Variants in GPN1 observed in about 807,000 individuals in gnomAD.
GPN1 encodes the protein GPN-loop GTPase 1.
A neutral mutation model predicts 55.9 loss-of-function variants in GPN1; 44 were observed. The ratio of observed to expected loss-of-function variants is 0.79; its 90% CI spans 0.62 to 1.01. GPN1 has a LOEUF of 1.01. Ranked by LOEUF, GPN1 falls within the 50% of genes least tolerant of loss-of-function variation. The pLI, the probability that GPN1 is intolerant of heterozygous loss-of-function variation, is 0.00. For missense variants in GPN1, 466 were observed against 462.8 expected (o/e 1.01, Z -0.06); for synonymous variants, 179 against 162.5 (o/e 1.10, Z -0.77).
chr2:27,629,922 G>A lies in GPN1; in HGVS notation c.175G>A (p.Val59Ile). ...PPYVINLDPA[V>I]HEVPFPANID... The stretch of plus-strand genomic sequence containing the variant: ...GTATGTGATCAACCTGGATCCAGCA[G>A]TACATGAAGTTCCCTTTCCTGCCAA... The change falls in exon 2 of 14, where the codon GTA (valine) becomes ATA (isoleucine). Residue 59 changes from valine (V) to isoleucine (I), a missense_variant. Physicochemically the swap from Val to Ile is conservative, Grantham distance 29. Coordinates refer to ENST00000610189, the MANE Select transcript of GPN1 (RefSeq NM_007266.4). The A allele has an allele frequency of 6.2e-7, 1 of 1,605,092 alleles. No individual in the cohort carries two copies. The highest frequency in any genetic ancestry group is 8.5e-7 in the Non-Finnish European group (1 of 1,171,716).
chr2:27,635,298 C>CCCTTTTTTT, intron 7 of GPN1, 64 bp downstream of exon 7: 1 of 445,284 alleles, frequency 2.2e-6, no homozygotes, highest in South Asian at 3.3e-5. Context: ...CTTCTTCTTC[C>CCCTTTTTTT]TCTTTTTTTT....
intron 1 of GPN1, chr2:27,629,555 G>T (rs1485664652): frequency 1.4e-6 from 1 of 730,840 alleles, no homozygotes. Flanking sequence ...GGGATATAGC[G>T]AAAATGAGGT....
chr2:27,635,189 G>T lies in GPN1; in HGVS notation c.479G>T (p.Ser160Ile). 1 of 1,606,290 alleles carries T rather than the reference G, an allele frequency of 6.2e-7. No individual in the cohort carries two copies. Among genetic ancestry groups the T allele is most frequent in the African/African-American group, 1.3e-5 (1 of 74,788 alleles). Residue 160 changes from serine to isoleucine, a missense_variant, in exon 7 of 14, where the codon AGT becomes ATT. Coordinates refer to ENST00000610189, the MANE Select transcript of GPN1 (RefSeq NM_007266.4). ...ATCTATGTAATGGACACATCGAGAAGTACCAACCCAGTGACCTTCATGTCC... is the reference window on the plus strand; with the variant it reads ...ATCTATGTAATGGACACATCGAGAATTACCAACCCAGTGACCTTCATGTCC... ...VVIYVMDTSRSTNPVTFMSNM... is the reference protein window; with the variant it reads ...VVIYVMDTSRITNPVTFMSNM...
chr2:27,635,154 A>G lies in GPN1; in HGVS notation c.444A>G (p.Pro148=). 1 of 1,597,660 alleles carries G rather than the reference A, an allele frequency of 6.3e-7. No individual in the cohort carries two copies. The part of the protein sequence containing the change: ...IITEALASSF[P]TVVIYVMDTS... ...TGTGGCTTTAGGCATCCTCATTTCC[A>G]ACAGTTGTCATCTATGTAATGGACA... The change falls in exon 7 of 14, where the codon CCA becomes CCG. Residue 148 remains proline, a synonymous_variant. Transcript: ENST00000610189.
rs1241786252 is a variant in GPN1, at chr2:27,650,179, C to T, written c.1104C>T (p.Tyr368=). The part of the protein sequence containing the change: ...QNFMQESMAQ[Y]WKRNNK ...TTATGCAAGAATCGATGGCACAATACTGGAAGAGAAACAATAAATAGGAGA... is the reference window on the plus strand; with the variant it reads ...TTATGCAAGAATCGATGGCACAATATTGGAAGAGAAACAATAAATAGGAGA... Residue 368 remains tyrosine, a synonymous_variant, in exon 14 of 14, where the codon TAC becomes TAT. Coordinates refer to ENST00000610189, the MANE Select transcript of GPN1 (RefSeq NM_007266.4). 6.3e-7 allele frequency: 1 copy of T among 1,598,100 alleles called. No homozygotes were observed. The highest frequency in any genetic ancestry group is 8.6e-7 in the Non-Finnish European group (1 of 1,165,662).
At chr2:27,642,388 C>T in intron 11 of GPN1, 41 bp from the exon 12 acceptor site, 1 of 1,224,150 alleles carries the variant, frequency 8.2e-7, no homozygotes, top group Non-Finnish European at 1.2e-6. Flanking sequence ...TAATTTGGGA[C>T]TCCTTTTTGA....
At chr2:27,629,785 G>T in intron 1 of GPN1, 74 bp from the exon 2 acceptor site, 2 of 817,478 alleles carry the variant, frequency 2.4e-6, no homozygotes, top group African/African-American at 1.7e-5. Context: ...CTTAAGGCAT[G>T]GGTGTTAAAG....
At chr2:27,641,126 T>C in intron 10 of GPN1, 114 bp from the exon 11 acceptor site, 1 of 706,156 alleles carries the variant, frequency 1.4e-6, no homozygotes, top group Non-Finnish European at 2.5e-6. Context: ...TGATGTTGAA[T>C]GAAGTCAGAT....
intron 2 of GPN1, among the ~76,000 whole-genome samples, chr2:27,630,792 T>C (rs1251443763): frequency 6.6e-6 from 1 of 152,192 alleles, no homozygotes; most frequent in African/African-American, 2.4e-5. Flanking sequence ...TTAAGTTGCA[T>C]GAAACTTTGC....
intron 1 of GPN1, 45 bp from the exon 2 acceptor site, chr2:27,629,814 G>T (rs1673463077): frequency 9.9e-7 from 1 of 1,012,146 alleles, no homozygotes. Context: ...GTTCTCTCTT[G>T]TCCCCTCTTT....
chr2:27,638,145 G>A (rs2148070858), intron 7 of GPN1, 65 bp from the exon 8 acceptor site: 1 of 853,850 alleles, frequency 1.2e-6, no homozygotes, highest in Non-Finnish European at 2.0e-6. Context: ...GTCCCGACAT[G>A]CTGACACTGG....
At chr2:27,644,740 T>TTTTTTTTTTTTTC (rs1389842515) in intron 12 of GPN1, among the ~76,000 whole-genome samples, 4 of 148,524 alleles carry the variant, frequency 2.7e-5, no homozygotes, top group Admixed American at 6.7e-5. Flanking sequence ...TTTTTTTTTT[T>TTTTTTTTTTTTTC]TTTACAGATG....
At chr2:27,628,679 C>T (rs748241305), upstream of GPN1, 21 of 1,551,542 alleles carry the variant, frequency 1.4e-5, no homozygotes, top group African/African-American at 1.8e-4. Context: ...CCTCCAGTGG[C>T]TCCGCTCCCC....
intron 4 of GPN1, 69 bp from the exon 5 acceptor site, chr2:27,632,564 C>T: frequency 1.9e-6 from 2 of 1,057,838 alleles, no homozygotes; most frequent in Non-Finnish European, 3.0e-6. Context: ...AGGTATGCCA[C>T]CCTGGAGAGG....
rs1673650347 is a variant in GPN1, at chr2:27,634,237, TAAA to T, written c.351-604_351-602del. Among the ~76,000 whole-genome samples, 3 of 152,286 alleles carry T rather than the reference TAAA, an allele frequency of 2.0e-5. No homozygotes were observed. In the South Asian group the frequency reaches 6.2e-4, roughly 32 times the overall value. Reference sequence around the variant, plus strand: ...ATGTCTATTAGAATTCTTTGCCAATTAAAAAAATTCTGATATAATTCATAATTA... The same window carrying T: ...ATGTCTATTAGAATTCTTTGCCAATTAAAATTCTGATATAATTCATAATTA... On this transcript the variant is annotated intron_variant, in intron 5 of 13. Transcript: ENST00000610189.
Position 27,642,956 on chromosome 2 carries a change from T to TACAC in GPN1, c.931+438_931+439insCACA, listed in dbSNP as rs764872511. Among the ~76,000 whole-genome samples the TACAC allele has an allele frequency of 5.7e-3, 492 of 85,790 alleles. 1 individual carries two copies. Among genetic ancestry groups the TACAC allele is most frequent in the South Asian group, 0.014 (37 of 2,646 alleles). 56.3% of individuals were successfully genotyped at this position (85,790 alleles called of 152,430 possible). On this transcript the variant is annotated intron_variant, in intron 12 of 13. Transcript: ENST00000610189. Reference sequence around the variant, plus strand: ...GGAAATGTGGTTTTATATATATATATATACACACACACACACACACACACA... The same window carrying TACAC: ...GGAAATGTGGTTTTATATATATATATACACATACACACACACACACACACACACA...
Position 27,650,321 on chromosome 2 carries a change from A to G in GPN1, c.*121A>G. The G allele has an allele frequency of 1.8e-6, 1 of 565,126 alleles. No homozygotes were observed. The highest frequency in any genetic ancestry group is 1.9e-5 in the African/African-American group (1 of 52,908). 35.0% of individuals were successfully genotyped at this position (565,126 alleles called of 1,614,324 possible). On this transcript the variant is annotated 3_prime_UTR_variant, in exon 14 of 14. Transcript: ENST00000610189. ...AGGGATAATTTTCCTCAGAGTAGCA[A>G]AGTTTCTCTTATTAGAGAAATCTTG...
intron 1 of GPN1, 73 bp from the exon 2 acceptor site, chr2:27,629,786 G>A: frequency 8.5e-6 from 7 of 820,236 alleles, no homozygotes; most frequent in Middle Eastern, 2.3e-4. Context: ...TTAAGGCATG[G>A]GTGTTAAAGG....
chr2:27,629,450 A>G (rs1203090160), intron 1 of GPN1: 6 of 1,521,920 alleles, frequency 3.9e-6, no homozygotes, highest in Non-Finnish European at 5.4e-6. Context: ...GAGGCAAGTT[A>G]CAAGTAACTT....
Sources: allele counts gnomAD v4.1 joint callset (sites outside exome capture counted in the v4.1 genomes callset), GRCh38; gene constraint gnomAD v4.1.1; transcripts MANE v1.5; gene names NCBI Gene and HGNC (gene_info 2026-07-23, HGNC 2026-07-21).